CSMD3: variants seen among roughly 807,000 people sequenced by gnomAD.
CSMD3 encodes the protein CUB and sushi domain-containing protein 3.
In CSMD3, 177 loss-of-function variants were observed where a neutral mutation model predicts 435.2. The observed-to-expected ratio is 0.41, with a 90% CI of 0.36 to 0.46. CSMD3 has a LOEUF of 0.46. CSMD3 is among the 20% of genes least tolerant of loss of function. The pLI, the probability that CSMD3 is intolerant of heterozygous loss-of-function variation, is 0.34. For synonymous variants in CSMD3, 1,656 were observed against 1,520.5 expected (o/e 1.09, Z -2.07); for missense variants, 4,265 against 4,504.6 (o/e 0.95, Z 1.52).
In CSMD3 at chr8:113,173,751, G is replaced by A. The variant is rs1362181458; in HGVS notation, c.680C>T (p.Ser227Leu). 8.7e-6 allele frequency: 14 copies of A among 1,613,312 alleles called. No homozygotes were observed. Among genetic ancestry groups the A allele is most frequent in the African/African-American group, 5.3e-5 (4 of 74,860 alleles). ...TCIANSVNTA[S>L]WDFPVPICRA... ...ACAGATAGGAACAGGAAAATCCCAC[G>A]AAGCTGTATTAACTGAATTGGCTAT... The change falls in exon 4 of 71, where the codon TCG (serine) becomes TTG (leucine). Residue 227 changes from serine to leucine, a missense_variant. By Grantham distance (145) the Ser-to-Leu change is moderately radical. Coordinates refer to ENST00000297405, the MANE Select transcript of CSMD3 (RefSeq NM_198123.2).
chr8:112,599,170 A>C (rs542142189), intron 22 of CSMD3, among the ~76,000 whole-genome samples: 7 of 97,704 alleles, frequency 7.2e-5, no homozygotes, highest in East Asian at 4.9e-4. Context: ...AACAAATTTA[A>C]AAGAAAAAAA....
At chr8:113,172,630 A>G (rs564470015) in intron 4 of CSMD3, among the ~76,000 whole-genome samples, 17 of 152,260 alleles carry the variant, frequency 1.1e-4, no homozygotes, top group Admixed American at 7.2e-4. Context: ...TGTTGAACTG[A>G]TTTTCCTGAG....
At chr8:112,549,972 A>G (rs1271672182) in intron 27 of CSMD3, among the ~76,000 whole-genome samples, 1 of 152,040 alleles carries the variant, frequency 6.6e-6, no homozygotes, top group Non-Finnish European at 1.5e-5. Flanking sequence ...TAATTTTCTC[A>G]AAGAGATAAT....
intron 9 of CSMD3, among the ~76,000 whole-genome samples, chr8:112,923,048 A>C (rs988086037): frequency 1.1e-4 from 16 of 152,144 alleles, no homozygotes; most frequent in African/African-American, 3.6e-4. Context: ...GCACTCCATC[A>C]GGAAAATCCT....
At chr8:113,108,651 C>A (rs1276972879) in intron 4 of CSMD3, among the ~76,000 whole-genome samples, 2 of 151,844 alleles carry the variant, frequency 1.3e-5, no homozygotes, top group Non-Finnish European at 2.9e-5. Flanking sequence ...AGCAGTACAA[C>A]TAAATAGAAG....
In CSMD3 at chr8:112,683,986, G is replaced by A. The variant is rs184865361; in HGVS notation, c.2483-1350C>T. On this transcript the variant is annotated intron_variant, in intron 15 of 70. Transcript: ENST00000297405. The stretch of plus-strand genomic sequence containing the variant: ...GTGTAACTCTAATATAGAGTACCTG[G>A]TAGATATTTTTTCAGAAAAAATGAA... 1.7e-3 allele frequency among the ~76,000 whole-genome samples: 256 copies of A among 151,490 alleles called. 2 individuals carry two copies. The highest frequency in any genetic ancestry group is 7.7e-3 in the South Asian group (37 of 4,810).
intron 59 of CSMD3, among the ~76,000 whole-genome samples, chr8:112,273,167 T>C (rs1022022519): frequency 1.3e-5 from 2 of 152,196 alleles, no homozygotes; most frequent in African/African-American, 4.8e-5. Flanking sequence ...CAATGTAATT[T>C]TCAATCACAA....
intron 9 of CSMD3, among the ~76,000 whole-genome samples, chr8:112,929,042 T>C (rs1275569526): frequency 6.7e-6 from 1 of 148,970 alleles, no homozygotes; most frequent in Non-Finnish European, 1.5e-5. Flanking sequence ...TGGCCAGTGA[T>C]GGTGAGCATT....
chr8:113,020,649 G>T (rs1170997867), intron 5 of CSMD3, among the ~76,000 whole-genome samples: 3 of 152,048 alleles, frequency 2.0e-5, no homozygotes. Context: ...TCAGATTAAG[G>T]TTTCTTAATA....
rs965511733 is a variant in CSMD3 at position 112,919,893 on chromosome 8, A to T, written c.1633+1734T>A. ...CTATAAAAAAGTGTGCCTTTCTCGT[A>T]TCATAGGAATACTTGAATTTTATAG... On this transcript the variant is annotated intron_variant, in intron 10 of 70. Coordinates refer to ENST00000297405, the MANE Select transcript of CSMD3 (RefSeq NM_198123.2). Among the ~76,000 whole-genome samples, 4 of 152,024 alleles carry T rather than the reference A, an allele frequency of 2.6e-5. No individual in the cohort carries two copies. The South Asian group carries it at 8.3e-4, about 32-fold the overall frequency.
In CSMD3 at chr8:112,508,470, C is replaced by T. The variant is rs576269091; in HGVS notation, c.4757-1641G>A. Among the ~76,000 whole-genome samples the T allele has an allele frequency of 7.9e-5, 12 of 152,152 alleles. No homozygotes were observed. In the South Asian group the frequency reaches 1.9e-3, roughly 24 times the overall value. On this transcript the variant is annotated intron_variant, in intron 28 of 70. Coordinates refer to ENST00000297405, the MANE Select transcript of CSMD3 (RefSeq NM_198123.2). Reference sequence around the variant, plus strand: ...ATTCTTGTGAAACAAACTTTGATTACGTTTCCCTCCTTATTCTAGGCTCCT... The same window carrying T: ...ATTCTTGTGAAACAAACTTTGATTATGTTTCCCTCCTTATTCTAGGCTCCT...
intron 17 of CSMD3, among the ~76,000 whole-genome samples, chr8:112,657,981 A>G (rs2075294996): frequency 6.6e-6 from 1 of 152,182 alleles, no homozygotes; most frequent in Admixed American, 6.5e-5. Context: ...TATAGTAGAC[A>G]CTCAATAAAT....
intron 12 of CSMD3, among the ~76,000 whole-genome samples, chr8:112,810,256 TC>T (rs1241270976): frequency 6.6e-6 from 1 of 152,138 alleles, no homozygotes; most frequent in Non-Finnish European, 1.5e-5. Flanking sequence ...TTTTTAATAA[TC>T]CCAAAGTAAA....
rs1258733362 is a variant in CSMD3, at chr8:112,985,223, A to T, written c.1031-9075T>A. Among the ~76,000 whole-genome samples the T allele has an allele frequency of 4.6e-5, 7 of 152,144 alleles. No homozygotes were observed. In the East Asian group the frequency reaches 1.2e-3, roughly 25 times the overall value. On this transcript the variant is annotated intron_variant, in intron 6 of 70. Coordinates refer to ENST00000297405, the MANE Select transcript of CSMD3 (RefSeq NM_198123.2). ...GAGACATTGGCATTGATCTTAAAGG[A>T]TGAGCAGATTTTCCCTGATACATGA...
At chr8:113,177,483 T>C (rs2092363680) in intron 3 of CSMD3, among the ~76,000 whole-genome samples, 1 of 151,950 alleles carries the variant, frequency 6.6e-6, no homozygotes, top group African/African-American at 2.4e-5. Flanking sequence ...ATTAAGAGGT[T>C]TAGGTGACTA....
intron 35 of CSMD3, among the ~76,000 whole-genome samples, chr8:112,398,249 C>G (rs929035830): frequency 2.0e-5 from 3 of 152,196 alleles, no homozygotes; most frequent in Non-Finnish European, 2.9e-5. Context: ...TCCACCCAGA[C>G]ACGCTGCAGG....
At chr8:113,063,878 AGAT>A (rs2088725990) in intron 5 of CSMD3, among the ~76,000 whole-genome samples, 1 of 151,824 alleles carries the variant, frequency 6.6e-6, no homozygotes, top group African/African-American at 2.4e-5. Context: ...ATCAGCAAAT[AGAT>A]GATAGTAATA....
In CSMD3 at chr8:113,308,768, G is replaced by A. The variant is rs1050817017; in HGVS notation, c.401+5803C>T. Among the ~76,000 whole-genome samples the A allele has an allele frequency of 5.9e-5, 9 of 152,016 alleles. No homozygotes were observed. In the South Asian group the frequency reaches 1.0e-3, roughly 18 times the overall value. ...AGTTATAATTATTGTTTTCAACCCC[G>A]TATAAGTGAACTTTACCACCTGTAG... On this transcript the variant is annotated intron_variant, in intron 2 of 70. Transcript: ENST00000297405.
chr8:112,288,702 T>C (rs955072626), intron 57 of CSMD3, among the ~76,000 whole-genome samples: 6 of 151,928 alleles, frequency 3.9e-5, no homozygotes, highest in Middle Eastern at 3.2e-3. Flanking sequence ...GTAAATGGTG[T>C]TTTTGAAAAA....
Sources: allele counts gnomAD v4.1 joint callset (sites outside exome capture counted in the v4.1 genomes callset), GRCh38; gene constraint gnomAD v4.1.1; transcripts MANE v1.5; gene names NCBI Gene and HGNC (gene_info 2026-07-23, HGNC 2026-07-21).